Variants in CDKAL1 observed in about 807,000 individuals in gnomAD.
The protein encoded by CDKAL1 is threonylcarbamoyladenosine tRNA methylthiotransferase.
A neutral mutation model predicts 68.2 loss-of-function variants in CDKAL1; 32 were observed. That is an observed-to-expected ratio of 0.47 (90% CI 0.35 to 0.63). The LOEUF (loss-of-function observed/expected upper bound fraction) is 0.63, where lower values mean the gene tolerates loss of function less well. Among genes scored for constraint, CDKAL1 ranks in the 30% least tolerant of loss-of-function variants. CDKAL1 has a pLI of 0.00. For synonymous variants in CDKAL1, 234 were observed against 244.3 expected, an observed-to-expected ratio of 0.96 and a Z score of 0.39; for missense variants, 606 against 696.7, an observed-to-expected ratio of 0.87 and a Z score of 1.47.
At chr6:20,774,261 C>G (rs1322631831) in intron 7 of CDKAL1, among the ~76,000 whole-genome samples, 1 of 152,156 alleles carries the variant, frequency 6.6e-6, no homozygotes, top group Non-Finnish European at 1.5e-5. Context: ...ATTGGTATTT[C>G]TGTAATATGA....
intron 13 of CDKAL1, among the ~76,000 whole-genome samples, chr6:21,153,614 A>G (rs1776515833): frequency 1.3e-5 from 2 of 152,278 alleles, no homozygotes; most frequent in South Asian, 4.1e-4. Flanking sequence ...CAAAGTTAAA[A>G]CCTGAGGACA....
At chr6:20,922,373 G>A (rs964074183) in intron 9 of CDKAL1, among the ~76,000 whole-genome samples, 1 of 152,170 alleles carries the variant, frequency 6.6e-6, no homozygotes, top group Non-Finnish European at 1.5e-5. Flanking sequence ...TGATTGCTGG[G>A]AAGTTTGGAA....
intron 9 of CDKAL1, among the ~76,000 whole-genome samples, chr6:20,875,329 A>G (rs1760455403): frequency 7.3e-6 from 1 of 137,484 alleles, no homozygotes; most frequent in Non-Finnish European, 1.6e-5. Flanking sequence ...AAAAAAAAAA[A>G]AAGTCTAGCC....
At chr6:21,091,687 T>C (rs1417105856) in intron 12 of CDKAL1, among the ~76,000 whole-genome samples, 3 of 152,026 alleles carry the variant, frequency 2.0e-5, no homozygotes, top group African/African-American at 7.2e-5. Flanking sequence ...TCTTTGTTCA[T>C]TTAGCAGCTA....
chr6:20,962,773 A>C (rs555674589), intron 10 of CDKAL1, among the ~76,000 whole-genome samples: 2 of 152,226 alleles, frequency 1.3e-5, no homozygotes, highest in African/African-American at 4.8e-5. Context: ...ATAAAAAGAC[A>C]TGCTAGATTA....
intron 9 of CDKAL1, among the ~76,000 whole-genome samples, chr6:20,892,218 G>T (rs1761445471): frequency 6.6e-6 from 1 of 152,200 alleles, no homozygotes; most frequent in Admixed American, 6.5e-5. Flanking sequence ...CTTCAACTAA[G>T]AAAGAGGTGT....
chr6:21,020,808 AT>A lies in CDKAL1; in HGVS notation c.1055+20438del, dbSNP rs1768618746. ...TTTTTTTTTTAAGAGATAGGGTCTC[AT>A]TATGTTTCCTAGGCTTATCTTGAAC... On this transcript the variant is annotated intron_variant, in intron 11 of 15. Coordinates refer to ENST00000274695, the MANE Select transcript of CDKAL1 (RefSeq NM_017774.3). 2.2e-5 allele frequency among the ~76,000 whole-genome samples: 3 copies of A among 134,804 alleles called. No homozygotes were observed. In the South Asian group the frequency reaches 6.9e-4, roughly 31 times the overall value. The allele number at this position is 134,804 out of a possible 152,430, so 88.4% of individuals were successfully genotyped here.
At chr6:21,002,140 A>G (rs1221877027) in intron 11 of CDKAL1, among the ~76,000 whole-genome samples, 1 of 152,234 alleles carries the variant, frequency 6.6e-6, no homozygotes, top group Non-Finnish European at 1.5e-5. Context: ...AACAGCCTCT[A>G]TGAGCTATAT....
At chr6:20,833,763 T>A (rs1777817687) in intron 8 of CDKAL1, among the ~76,000 whole-genome samples, 1 of 152,250 alleles carries the variant, frequency 6.6e-6, no homozygotes, top group Admixed American at 6.5e-5. Flanking sequence ...GCTCTGAGAA[T>A]CTCTCTCCTT....
At chr6:20,901,114 A>G (rs1761939516) in intron 9 of CDKAL1, among the ~76,000 whole-genome samples, 1 of 151,898 alleles carries the variant, frequency 6.6e-6, no homozygotes, top group African/African-American at 2.4e-5. Context: ...AGAGAGAGAG[A>G]GGCCAGGAGA....
At chr6:20,639,052 C>T (rs552213171) in intron 4 of CDKAL1, among the ~76,000 whole-genome samples, 4 of 152,120 alleles carry the variant, frequency 2.6e-5, no homozygotes, top group South Asian at 2.1e-4. Context: ...GTAAGTACAA[C>T]GTCTGTCTTG....
chr6:21,002,173 C>T (rs905966348), intron 11 of CDKAL1, among the ~76,000 whole-genome samples: 2 of 152,154 alleles, frequency 1.3e-5, no homozygotes, highest in African/African-American at 4.8e-5. Context: ...ATGATCATGT[C>T]AGGTATTAGG....
chr6:21,206,114 A>C (rs936064009), intron 15 of CDKAL1, among the ~76,000 whole-genome samples: 1 of 152,018 alleles, frequency 6.6e-6, no homozygotes, highest in African/African-American at 2.4e-5. Context: ...TACAGGCGTG[A>C]GCCACCACAC....
intron 6 of CDKAL1, among the ~76,000 whole-genome samples, chr6:20,743,826 CCTGT>C (rs1773557063): frequency 6.6e-6 from 1 of 152,174 alleles, no homozygotes; most frequent in African/African-American, 2.4e-5. Context: ...TGTGCACAAA[CCTGT>C]CTAATTTCTT....
chr6:21,159,121 T>A (rs1251599110), intron 13 of CDKAL1, among the ~76,000 whole-genome samples: 2 of 148,302 alleles, frequency 1.3e-5, no homozygotes, highest in African/African-American at 5.0e-5. Context: ...TTTTTTTAAT[T>A]TTTTTAATGA....
intron 15 of CDKAL1, among the ~76,000 whole-genome samples, chr6:21,213,008 T>C (rs1463443423): frequency 6.6e-6 from 1 of 152,196 alleles, no homozygotes; most frequent in Non-Finnish European, 1.5e-5. Context: ...ATCAGCCGAC[T>C]TTATCAAGAT....
chr6:20,927,412 C>G (rs906708667), intron 9 of CDKAL1, among the ~76,000 whole-genome samples: 4 of 152,180 alleles, frequency 2.6e-5, no homozygotes, highest in African/African-American at 9.7e-5. Context: ...TTCAGCACCT[C>G]CTATTTTGAA....
At chr6:21,125,846 G>C (rs1419454489) in intron 13 of CDKAL1, among the ~76,000 whole-genome samples, 1 of 152,204 alleles carries the variant, frequency 6.6e-6, no homozygotes, top group Non-Finnish European at 1.5e-5. Flanking sequence ...TGGGGAGTTA[G>C]GTGTCCCTTT....
rs1267237056 is a variant in CDKAL1, at chr6:20,986,370, A to G, written c.910-13857A>G. On this transcript the variant is annotated intron_variant, in intron 10 of 15. Coordinates refer to ENST00000274695, the MANE Select transcript of CDKAL1 (RefSeq NM_017774.3). ...AGAGTAATGAATCCTTCTTTTAATA[A>G]TGGTTGTTTTCAGCAATGATTAGTT... 2.0e-5 allele frequency among the ~76,000 whole-genome samples: 3 copies of G among 152,106 alleles called. No homozygotes were observed. The East Asian group carries it at 5.8e-4, about 29-fold the overall frequency.
Sources: allele counts gnomAD v4.1 joint callset (sites outside exome capture counted in the v4.1 genomes callset), GRCh38; gene constraint gnomAD v4.1.1; transcripts MANE v1.5; gene names NCBI Gene and HGNC (gene_info 2026-07-23, HGNC 2026-07-21).